The following CLIC6 variants were observed in gnomAD, a reference collection of about 807,000 sequenced individuals.
The protein encoded by CLIC6 is CLIC family member 6, also known as chloride intracellular channel protein 6.
In CLIC6, 39 loss-of-function variants were observed where a neutral mutation model predicts 49.2. The observed-to-expected ratio is 0.79, with a 90% confidence interval of 0.61 to 1.04. CLIC6 has a LOEUF of 1.04. Among genes scored for constraint, CLIC6 ranks in the 50% least tolerant of loss-of-function variants. The pLI, the probability that CLIC6 is intolerant of heterozygous loss-of-function variation, is 0.00. For synonymous variants in CLIC6, 446 were observed against 433.4 expected (o/e 1.03, Z -0.36); for missense variants, 988 against 993.1 (o/e 0.99, Z 0.07).
chr21:34,685,044 C>G lies in CLIC6; in HGVS notation c.1374+14282C>G, dbSNP rs148871601. ...GGGAGACTCTCCACTGGAGAGGGTA[C>G]CTGGCTACTGAGAGAGAAGAAAGCC... On this transcript the variant is annotated intron_variant, in intron 1 of 5. Transcript: ENST00000349499. Among the ~76,000 whole-genome samples, 815 of 152,256 alleles carry G rather than the reference C, an allele frequency of 5.4e-3. 8 individuals carry two copies. Among genetic ancestry groups the G allele is most frequent in the African/African-American group, 0.019 (771 of 41,538 alleles).
At chr21:34,703,834 G>C (rs200687604) in intron 1 of CLIC6, among the ~76,000 whole-genome samples, 1 of 152,168 alleles carries the variant, frequency 6.6e-6, no homozygotes, top group Non-Finnish European at 1.5e-5. Context: ...TCGGAATGTG[G>C]TGTCAGAGGC....
chr21:34,701,308 CAAAAAA>C (rs763844976), intron 1 of CLIC6, among the ~76,000 whole-genome samples: 4 of 49,580 alleles, frequency 8.1e-5, no homozygotes, highest in South Asian at 9.1e-4. Flanking sequence ...GGCTCCGTCT[CAAAAAA>C]AAAAAAAAAA....
intron 1 of CLIC6, among the ~76,000 whole-genome samples, chr21:34,671,847 G>A (rs1487074686): frequency 1.3e-5 from 2 of 152,146 alleles, no homozygotes; most frequent in African/African-American, 4.8e-5. Flanking sequence ...GGTGGCGAGG[G>A]GCTTGGGAAA....
chr21:34,689,975 C>G (rs573900627), intron 1 of CLIC6, among the ~76,000 whole-genome samples: 1 of 152,348 alleles, frequency 6.6e-6, no homozygotes, highest in African/African-American at 2.4e-5. Flanking sequence ...GACTCTAGCT[C>G]TCTAGTCTTG....
chr21:34,684,763 A>G (rs1381050032), intron 1 of CLIC6, among the ~76,000 whole-genome samples: 1 of 152,232 alleles, frequency 6.6e-6, no homozygotes, highest in African/African-American at 2.4e-5. Flanking sequence ...GGAGAGGAAA[A>G]TAAATCACTG....
intron 1 of CLIC6, among the ~76,000 whole-genome samples, chr21:34,689,443 G>A (rs573722294): frequency 1.3e-5 from 2 of 152,146 alleles, no homozygotes; most frequent in Non-Finnish European, 2.9e-5. Flanking sequence ...TGGCTTCCAC[G>A]GTCTGTGTTT....
intron 1 of CLIC6, among the ~76,000 whole-genome samples, chr21:34,698,167 C>A (rs1422806524): frequency 6.6e-6 from 1 of 152,236 alleles, no homozygotes; most frequent in Non-Finnish European, 1.5e-5. Flanking sequence ...TGGTCATGTG[C>A]TCCATGATGT....
chr21:34,715,798 G>A (rs1390348467), intron 5 of CLIC6, among the ~76,000 whole-genome samples: 1 of 152,154 alleles, frequency 6.6e-6, no homozygotes, highest in South Asian at 2.1e-4. Flanking sequence ...TCTCTCCTCC[G>A]CACAGGCGGG....
At chr21:34,682,787 ACCCCTT>A (rs1331550910) in intron 1 of CLIC6, among the ~76,000 whole-genome samples, 1 of 108,842 alleles carries the variant, frequency 9.2e-6, no homozygotes, top group Non-Finnish European at 1.9e-5. Flanking sequence ...TTCCAGTCCT[ACCCCTT>A]TCCCTCCATT....
chr21:34,703,317 C>T (rs866936113), intron 1 of CLIC6, among the ~76,000 whole-genome samples: 4 of 152,154 alleles, frequency 2.6e-5, no homozygotes, highest in Non-Finnish European at 5.9e-5. Context: ...TAAGCCCACA[C>T]AGAATTTTCT....
intron 5 of CLIC6, among the ~76,000 whole-genome samples, chr21:34,716,008 A>G (rs2056083236): frequency 6.6e-6 from 1 of 152,240 alleles, no homozygotes; most frequent in African/African-American, 2.4e-5. Flanking sequence ...AGAAAGTAAC[A>G]GGCAACACAA....
intron 2 of CLIC6, among the ~76,000 whole-genome samples, chr21:34,707,595 G>C (rs1187593920): frequency 6.6e-6 from 1 of 152,156 alleles, no homozygotes; most frequent in East Asian, 1.9e-4. Context: ...GAGGAGTTGG[G>C]GGTGCCGTGA....
chr21:34,710,190 A>G (rs1461334669), intron 5 of CLIC6, among the ~76,000 whole-genome samples: 3 of 152,034 alleles, frequency 2.0e-5, no homozygotes, highest in Non-Finnish European at 4.4e-5. Flanking sequence ...AAGCTGGAGG[A>G]TCACTTGAGC....
intron 1 of CLIC6, among the ~76,000 whole-genome samples, chr21:34,704,936 A>T (rs2056004389): frequency 6.6e-6 from 1 of 152,186 alleles, no homozygotes; most frequent in Admixed American, 6.5e-5. Flanking sequence ...CCAGAGGCAG[A>T]GCTTTGTCTA....
Position 34,670,555 on chromosome 21 carries a change from C to A in CLIC6, c.1167C>A (p.Gly389=). The A allele has an allele frequency of 2.0e-6, 3 of 1,500,074 alleles. No individual in the cohort carries two copies. Among genetic ancestry groups the A allele is most frequent in the Non-Finnish European group, 2.7e-6 (3 of 1,125,372 alleles). The allele number at this position is 1,500,074 out of a possible 1,614,324, so 92.9% of individuals were successfully genotyped here. Residue 389 remains glycine (G), a synonymous_variant, in exon 1 of 6, where the codon GGC becomes GGA. Transcript: ENST00000349499. ...EGPREEEAAG[G]EEESPDSSPH... is the part of the protein sequence containing the mutation. The stretch of plus-strand genomic sequence containing the variant: ...CAAGGGAGGAGGAAGCAGCGGGGGG[C>A]GAAGAGGAATCCCCCGACAGCAGCC...
At chr21:34,671,888 G>A (rs1220666898) in intron 1 of CLIC6, among the ~76,000 whole-genome samples, 2 of 152,176 alleles carry the variant, frequency 1.3e-5, no homozygotes, top group African/African-American at 4.8e-5. Flanking sequence ...CTTCCCTAGT[G>A]AGAAGGTGCT....
Position 34,708,557 on chromosome 21 carries a change from C to T in CLIC6, c.1611-143C>T. The stretch of plus-strand genomic sequence containing the variant: ...CTCCTAGATGTTGTTACTTCCCAAC[C>T]TTTGAGAGGAAAAGGGTCAGGAAAA... On this transcript the variant is annotated intron_variant, in intron 3 of 5. Transcript: ENST00000349499. 3 of 648,608 alleles carry T rather than the reference C, an allele frequency of 4.6e-6. No individual in the cohort carries two copies. The South Asian group carries it at 5.8e-5, about 13-fold the overall frequency. 40.2% of individuals were successfully genotyped at this position (648,608 alleles called of 1,614,324 possible).
chr21:34,710,629 T>C lies in CLIC6; in HGVS notation c.1899+1091T>C, dbSNP rs368511050. Among the ~76,000 whole-genome samples the C allele has an allele frequency of 1.8e-4, 28 of 152,110 alleles. No individual in the cohort carries two copies. In the East Asian group the frequency reaches 2.9e-3, roughly 16 times the overall value. On this transcript the variant is annotated intron_variant, in intron 5 of 5. Coordinates refer to ENST00000349499, the MANE Select transcript of CLIC6 (RefSeq NM_053277.3). ...GAGATCGAGACCATCCTGGCTAACA[T>C]GGTGAAACTCCCTATCTACTAAAAA...
chr21:34,672,859 G>A (rs77575740), intron 1 of CLIC6, among the ~76,000 whole-genome samples: 2,643 of 152,278 alleles, frequency 0.017, 79 homozygotes, highest in African/African-American at 0.06. Context: ...TGAGGTTACC[G>A]TGAGAAATTG....
Sources: allele counts gnomAD v4.1 joint callset (sites outside exome capture counted in the v4.1 genomes callset), GRCh38; gene constraint gnomAD v4.1.1; transcripts MANE v1.5; gene names NCBI Gene and HGNC (gene_info 2026-07-23, HGNC 2026-07-21).